POLN: variants seen among roughly 807,000 people sequenced by gnomAD.
POLN encodes the protein DNA polymerase N.
A neutral mutation model predicts 113.5 loss-of-function variants in POLN; 108 were observed. The ratio of observed to expected loss-of-function variants is 0.95; its 90% CI spans 0.81 to 1.12. POLN has a LOEUF of 1.12. Ranked by LOEUF, POLN falls within the 50% of genes most tolerant of loss-of-function variation. The pLI is 0.00. For missense variants in POLN, 1,097 were observed against 1,077.1 expected, an observed-to-expected ratio of 1.02 and a Z score of -0.26; for synonymous variants, 386 against 391.5, an observed-to-expected ratio of 0.99 and a Z score of 0.17.
At chr4:2,149,558 A>G (rs780912502) in intron 16 of POLN, among the ~76,000 whole-genome samples, 21 of 152,148 alleles carry the variant, frequency 1.4e-4, no homozygotes, top group Non-Finnish European at 2.6e-4. Context: ...ATTGGAATCT[A>G]TGTTGCCCAG....
intron 24 of POLN, among the ~76,000 whole-genome samples, chr4:2,075,141 G>A (rs1730244988): frequency 6.6e-6 from 1 of 152,214 alleles, no homozygotes; most frequent in Non-Finnish European, 1.5e-5. Context: ...AGACATAGAG[G>A]CCTTGGGCCT....
At chr4:2,128,034 C>A in intron 19 of POLN, 79 bp downstream of exon 19, 1 of 891,766 alleles carries the variant, frequency 1.1e-6, no homozygotes, top group East Asian at 2.5e-5. Context: ...ATGAAAGTAG[C>A]CTTGGAATAA....
intron 6 of POLN, among the ~76,000 whole-genome samples, chr4:2,195,195 T>C (rs552254160): frequency 4.6e-5 from 7 of 152,324 alleles, no homozygotes; most frequent in Admixed American, 1.3e-4. Flanking sequence ...AGGATTGGGA[T>C]TATTATTTCC....
intron 20 of POLN, 28 bp downstream of exon 20, chr4:2,095,823 A>C: frequency 6.2e-7 from 1 of 1,606,404 alleles, no homozygotes; most frequent in Non-Finnish European, 8.5e-7. Flanking sequence ...GGTAACCCCG[A>C]GACCCCAGCT....
intron 19 of POLN, among the ~76,000 whole-genome samples, chr4:2,101,039 T>A (rs1294520613): frequency 6.6e-6 from 1 of 152,122 alleles, no homozygotes; most frequent in African/African-American, 2.4e-5. Context: ...CGTGGCCCCA[T>A]GCATTGACCT....
chr4:2,217,342 A>C (rs1437754529), intron 3 of POLN, among the ~76,000 whole-genome samples: 1 of 152,180 alleles, frequency 6.6e-6, no homozygotes. Flanking sequence ...ACCAAGCTCT[A>C]ACTTTTCCTG....
chr4:2,109,217 C>T (rs976931672), intron 19 of POLN, among the ~76,000 whole-genome samples: 1 of 152,146 alleles, frequency 6.6e-6, no homozygotes, highest in Non-Finnish European at 1.5e-5. Context: ...ACCTCTGAAG[C>T]AGGGTTAATC....
intron 3 of POLN, among the ~76,000 whole-genome samples, chr4:2,225,256 C>CTATG: frequency 6.6e-6 from 1 of 152,078 alleles, no homozygotes; most frequent in Non-Finnish European, 1.5e-5. Flanking sequence ...TATATTAAAA[C>CTATG]TATGTATGTA....
intron 20 of POLN, chr4:2,090,560 C>T: frequency 2.1e-6 from 1 of 468,564 alleles, no homozygotes. Flanking sequence ...CCATGGTGAT[C>T]ATCATCTTCA....
chr4:2,081,276 GC>G, intron 22 of POLN: 1 of 1,209,900 alleles, frequency 8.3e-7, no homozygotes, highest in Non-Finnish European at 1.2e-6. Context: ...CCTCACCCCT[GC>G]CAGGCATGCA....
At chr4:2,224,859 G>C (rs1214720793) in intron 3 of POLN, among the ~76,000 whole-genome samples, 2 of 151,988 alleles carry the variant, frequency 1.3e-5, no homozygotes, top group Non-Finnish European at 2.9e-5. Context: ...GCTGAGACAG[G>C]AAAATCACTT....
intron 13 of POLN, among the ~76,000 whole-genome samples, chr4:2,165,430 G>A (rs1272580780): frequency 2.6e-5 from 4 of 152,206 alleles, no homozygotes; most frequent in South Asian, 2.1e-4. Context: ...GGGAGGGAGG[G>A]AGGAATAGGC....
At chr4:2,183,444 G>C (rs1013832134) in intron 7 of POLN, among the ~76,000 whole-genome samples, 1 of 152,112 alleles carries the variant, frequency 6.6e-6, no homozygotes, top group Non-Finnish European at 1.5e-5. Context: ...ATATTATTCA[G>C]CCATAAAAAG....
chr4:2,109,521 T>A (rs1396370598), intron 19 of POLN, among the ~76,000 whole-genome samples: 1 of 152,224 alleles, frequency 6.6e-6, no homozygotes, highest in African/African-American at 2.4e-5. Flanking sequence ...ATTTCACTCT[T>A]TAGTTCTGTC....
chr4:2,178,619 T>C (rs923982732), intron 8 of POLN, among the ~76,000 whole-genome samples: 1 of 151,960 alleles, frequency 6.6e-6, no homozygotes, highest in African/African-American at 2.4e-5. Flanking sequence ...AGACAGTTTT[T>C]TTTTTTTTTT....
At chr4:2,106,305 G>A (rs1731064777) in intron 19 of POLN, among the ~76,000 whole-genome samples, 1 of 152,122 alleles carries the variant, frequency 6.6e-6, no homozygotes, top group East Asian at 1.9e-4. Context: ...TGCAAAAACT[G>A]GCATGAATAT....
chr4:2,212,925 CCT>C (rs1734027333), intron 4 of POLN, 120 bp downstream of exon 4: 4 of 535,142 alleles, frequency 7.5e-6, no homozygotes, highest in South Asian at 5.1e-5. Flanking sequence ...AGCAAGAACG[CCT>C]CTTTTTTTTT....
intron 19 of POLN, among the ~76,000 whole-genome samples, chr4:2,104,376 A>G (rs1488617883): frequency 6.6e-6 from 1 of 152,204 alleles, no homozygotes; most frequent in African/African-American, 2.4e-5. Flanking sequence ...TTGTGTGGAC[A>G]TATGTTTCCA....
At chr4:2,144,872 C>G (rs2108733338) in intron 16 of POLN, among the ~76,000 whole-genome samples, 1 of 152,272 alleles carries the variant, frequency 6.6e-6, no homozygotes, top group Admixed American at 6.5e-5. Context: ...GGAACGATGA[C>G]CACGTTAGGT....
Sources: allele counts gnomAD v4.1 joint callset (sites outside exome capture counted in the v4.1 genomes callset), GRCh38; gene constraint gnomAD v4.1.1; transcripts MANE v1.5; gene names NCBI Gene and HGNC (gene_info 2026-07-23, HGNC 2026-07-21).